Variants in TTLL11 observed in about 807,000 individuals in gnomAD.
TTLL11 encodes tubulin polyglutamylase TTLL11.
Under a neutral mutation model 51.7 loss-of-function variants are expected in TTLL11, and 42 were observed. That is an observed-to-expected ratio of 0.81 (90% CI 0.64 to 1.05). TTLL11 has a LOEUF of 1.05. Among genes scored for constraint, TTLL11 ranks in the 50% least tolerant of loss-of-function variants. TTLL11 has a pLI of 0.00. For missense variants in TTLL11, 799 were observed against 940.4 expected, an observed-to-expected ratio of 0.85 and a Z score of 1.97; for synonymous variants, 381 against 383.5, an observed-to-expected ratio of 0.99 and a Z score of 0.08.
intron 1 of TTLL11, among the ~76,000 whole-genome samples, chr9:122,084,094 GAAT>G (rs1428259156): frequency 2.0e-5 from 3 of 152,132 alleles, no homozygotes; most frequent in Admixed American, 6.5e-5. Flanking sequence ...ATGAGAAATA[GAAT>G]CTCCCTATGA....
chr9:122,035,885 C>A (rs558849801), intron 2 of TTLL11, among the ~76,000 whole-genome samples: 1 of 152,186 alleles, frequency 6.6e-6, no homozygotes. Flanking sequence ...ATCACCCCTC[C>A]CCTGCCCTGC....
intron 1 of TTLL11, among the ~76,000 whole-genome samples, chr9:122,089,717 G>A (rs1846211091): frequency 6.6e-6 from 1 of 152,186 alleles, no homozygotes; most frequent in South Asian, 2.1e-4. Flanking sequence ...ATGCAGTAAT[G>A]AGGAAGGGTG....
intron 1 of TTLL11, among the ~76,000 whole-genome samples, chr9:122,043,746 C>T (rs1368947870): frequency 6.6e-6 from 1 of 151,970 alleles, no homozygotes; most frequent in Non-Finnish European, 1.5e-5. Flanking sequence ...CATCAAAAGA[C>T]ACTATGAACA....
chr9:122,032,835 C>A lies in TTLL11; in HGVS notation c.560-979G>T, dbSNP rs1231307849. Reference sequence around the variant, plus strand: ...TTTGAAACACAGCCTTGCTTTAATGCCCAGGCTGGAGTGCAGTGGCATGAT... The same window carrying A: ...TTTGAAACACAGCCTTGCTTTAATGACCAGGCTGGAGTGCAGTGGCATGAT... On this transcript the variant is annotated intron_variant, in intron 2 of 8. Transcript: ENST00000321582. Among the ~76,000 whole-genome samples, 5 of 147,196 alleles carry A rather than the reference C, an allele frequency of 3.4e-5. No homozygotes were observed. The South Asian group carries it at 6.4e-4, about 19-fold the overall frequency.
chr9:121,889,908 C>CG (rs1450587521), intron 6 of TTLL11, among the ~76,000 whole-genome samples: 154 of 27,846 alleles, frequency 5.5e-3, no homozygotes, highest in Admixed American at 0.011. Context: ...TTGGGCGGGG[C>CG]GGGGGGGGAG....
At chr9:121,837,295 G>T (rs1837207409) in intron 8 of TTLL11, among the ~76,000 whole-genome samples, 1 of 129,538 alleles carries the variant, frequency 7.7e-6, no homozygotes, top group Non-Finnish European at 1.6e-5. Flanking sequence ...TCTCTTTCCA[G>T]TGGAACTTAT....
chr9:122,070,863 G>C (rs1845708178), intron 1 of TTLL11, among the ~76,000 whole-genome samples: 1 of 152,112 alleles, frequency 6.6e-6, no homozygotes, highest in South Asian at 2.1e-4. Context: ...TGACCTCCCT[G>C]CCATTCAGCC....
chr9:121,824,533 C>G (rs1310369449), intron 8 of TTLL11, among the ~76,000 whole-genome samples: 1 of 151,832 alleles, frequency 6.6e-6, no homozygotes, highest in Non-Finnish European at 1.5e-5. Context: ...GTTAAGTAAC[C>G]TCCCTAAGGC....
At chr9:121,847,347 A>G (rs562949298) in intron 8 of TTLL11, among the ~76,000 whole-genome samples, 1 of 152,270 alleles carries the variant, frequency 6.6e-6, no homozygotes, top group Admixed American at 6.5e-5. Flanking sequence ...TCTCTAGCCC[A>G]GCTAACCAAA....
intron 7 of TTLL11, among the ~76,000 whole-genome samples, chr9:121,867,695 C>T (rs1164730086): frequency 6.6e-6 from 1 of 152,136 alleles, no homozygotes; most frequent in Non-Finnish European, 1.5e-5. Flanking sequence ...CTCTCGGGAG[C>T]CTGCTTTGAT....
At position 121,995,734 on chromosome 9, in the gene TTLL11, G is replaced by A. The variant is rs972790761; in HGVS notation, c.694-5964C>T. Among the ~76,000 whole-genome samples the A allele has an allele frequency of 1.3e-5, 2 of 152,066 alleles. No homozygotes were observed. Among genetic ancestry groups the A allele is most frequent in the Non-Finnish European group, 2.9e-5 (2 of 68,010 alleles). On this transcript the variant is annotated intron_variant, in intron 3 of 8. Coordinates refer to ENST00000321582, the MANE Select transcript of TTLL11 (RefSeq NM_001139442.2). The surrounding 1 kb of genome is among the most constrained non-coding windows in gnomAD (Gnocchi z 4.4). Reference sequence around the variant, plus strand: ...TCCCGCAAGCCCTCTACTGTTCATCGGAACCAGGCCAGGTTGTCCGATATC... The same window carrying A: ...TCCCGCAAGCCCTCTACTGTTCATCAGAACCAGGCCAGGTTGTCCGATATC...
At chr9:122,042,121 T>C (rs1439765974) in intron 1 of TTLL11, among the ~76,000 whole-genome samples, 1 of 151,838 alleles carries the variant, frequency 6.6e-6, no homozygotes, top group Non-Finnish European at 1.5e-5. Flanking sequence ...TGATTCTTTC[T>C]CTTCTGCCTC....
At chr9:121,935,687 G>C (rs1841180178) in intron 6 of TTLL11, among the ~76,000 whole-genome samples, 1 of 152,172 alleles carries the variant, frequency 6.6e-6, no homozygotes, top group South Asian at 2.1e-4. Context: ...CTCCAAACTT[G>C]AGACGGTGAC....
intron 8 of TTLL11, among the ~76,000 whole-genome samples, chr9:121,830,838 A>G (rs1042685656): frequency 2.5e-4 from 38 of 152,190 alleles, no homozygotes; most frequent in Non-Finnish European, 1.0e-4. Flanking sequence ...TTGGATTTCA[A>G]AATAAAGAAG....
intron 6 of TTLL11, among the ~76,000 whole-genome samples, chr9:121,950,780 T>A (rs1199694895): frequency 1.3e-5 from 2 of 152,180 alleles, no homozygotes; most frequent in African/African-American, 4.8e-5. Context: ...TTTGAGGAGC[T>A]TGTCGCCTGG....
chr9:122,007,180 C>T (rs1197655164), intron 3 of TTLL11, among the ~76,000 whole-genome samples: 1 of 151,856 alleles, frequency 6.6e-6, no homozygotes, highest in East Asian at 1.9e-4. Flanking sequence ...TAGCAATAAG[C>T]ACACCTGGCA....
chr9:122,005,369 C>T (rs923943792), intron 3 of TTLL11, among the ~76,000 whole-genome samples: 17 of 152,146 alleles, frequency 1.1e-4, no homozygotes, highest in African/African-American at 4.1e-4. Context: ...CTCTCTGGGT[C>T]TCAGTTTCCT....
chr9:122,060,784 T>G (rs1024203755), intron 1 of TTLL11, among the ~76,000 whole-genome samples: 1 of 152,212 alleles, frequency 6.6e-6, no homozygotes, highest in African/African-American at 2.4e-5. Flanking sequence ...CAAGACTGTT[T>G]CAACTATGCT....
intron 6 of TTLL11, among the ~76,000 whole-genome samples, chr9:121,904,305 T>C (rs1047665657): frequency 6.6e-6 from 1 of 152,026 alleles, no homozygotes; most frequent in African/African-American, 2.4e-5. Context: ...GCCTCCTGAG[T>C]AGCTAGGACT....
Sources: allele counts gnomAD v4.1 joint callset (sites outside exome capture counted in the v4.1 genomes callset), GRCh38; gene constraint gnomAD v4.1.1; non-coding constraint Gnocchi (gnomAD v3.1); transcripts MANE v1.5; gene names NCBI Gene and HGNC (gene_info 2026-07-23, HGNC 2026-07-21).